DLGAP1: variants seen among roughly 807,000 people sequenced by gnomAD.
DLGAP1 encodes the protein disks large-associated protein 1.
DLGAP1 carries 11 observed loss-of-function variants against 90.8 expected under a neutral mutation model. The ratio of observed to expected loss-of-function variants is 0.12; its 90% confidence interval spans 0.08 to 0.20. The LOEUF is 0.20. Among genes scored for constraint, DLGAP1 ranks in the 10% least tolerant of loss-of-function variants. The probability of loss-of-function intolerance (pLI) is 1.00; values close to 1 mark genes in which losing one functional copy is unlikely to be tolerated. For synonymous variants in DLGAP1, 558 were observed against 540.7 expected (o/e 1.03, Z -0.44); for missense variants, 1,050 against 1,333.8 (o/e 0.79, Z 3.31).
intron 2 of DLGAP1, among the ~76,000 whole-genome samples, chr18:4,129,007 G>A (rs1421225374): frequency 6.6e-6 from 1 of 152,026 alleles, no homozygotes; most frequent in Non-Finnish European, 1.5e-5. Flanking sequence ...AATAACAAAG[G>A]CTATAGAGTG....
intron 7 of DLGAP1, among the ~76,000 whole-genome samples, chr18:3,622,116 T>C (rs2058114760): frequency 6.6e-6 from 1 of 152,046 alleles, no homozygotes; most frequent in Non-Finnish European, 1.5e-5. Flanking sequence ...GATTCTTTTT[T>C]TTTTTTGATA....
intron 1 of DLGAP1, among the ~76,000 whole-genome samples, chr18:4,154,893 C>T (rs761705458): frequency 1.1e-4 from 17 of 152,078 alleles, no homozygotes; most frequent in Non-Finnish European, 2.4e-4. Context: ...GATGAGAATA[C>T]ATTAGTGAAC....
rs373400380 is a variant in DLGAP1, at chr18:3,522,099, C to CTTT, written c.2479+12092_2479+12094dup. On this transcript the variant is annotated intron_variant, in intron 10 of 12. Transcript: ENST00000315677. Reference sequence around the variant, plus strand: ...ATATTTCCTTATATTCAAGTTTTGCCTTTTTTTTTTTACCCACTTGCCTTT... The same window carrying CTTT: ...ATATTTCCTTATATTCAAGTTTTGCCTTTTTTTTTTTTTTACCCACTTGCCTTT... Among the ~76,000 whole-genome samples the CTTT allele has an allele frequency of 7.3e-3, 848 of 116,412 alleles. 8 individuals are homozygous for CTTT. The highest frequency in any genetic ancestry group is 0.026 in the African/African-American group (821 of 31,180). The allele number at this position is 116,412 out of a possible 152,430, so 76.4% of individuals were successfully genotyped here.
intron 9 of DLGAP1, among the ~76,000 whole-genome samples, chr18:3,559,283 C>T (rs897198908): frequency 6.6e-6 from 1 of 152,144 alleles, no homozygotes; most frequent in African/African-American, 2.4e-5. Flanking sequence ...GAAAATCAGT[C>T]ATATTTGCTT....
intron 1 of DLGAP1, among the ~76,000 whole-genome samples, chr18:4,284,473 C>CA (rs1228561494): frequency 6.6e-6 from 1 of 152,120 alleles, no homozygotes; most frequent in African/African-American, 2.4e-5. Flanking sequence ...AATGGAGTGT[C>CA]AAAGAGCCTG....
intron 7 of DLGAP1, among the ~76,000 whole-genome samples, chr18:3,646,646 C>T (rs563860643): frequency 2.6e-5 from 4 of 152,248 alleles, no homozygotes; most frequent in African/African-American, 4.8e-5. Flanking sequence ...TTGTAACAGC[C>T]GGGCACGGTG....
At chr18:3,730,051 A>G (rs1175263664) in intron 6 of DLGAP1, among the ~76,000 whole-genome samples, 4 of 152,254 alleles carry the variant, frequency 2.6e-5, no homozygotes, top group Non-Finnish European at 5.9e-5. Context: ...GAAAAGCACC[A>G]TCAAGATTTT....
chr18:3,989,891 A>G (rs1385714680), intron 3 of DLGAP1, among the ~76,000 whole-genome samples: 2 of 152,242 alleles, frequency 1.3e-5, no homozygotes, highest in Non-Finnish European at 2.9e-5. Context: ...AATGCTCATC[A>G]TCACTGGCCA....
chr18:3,988,392 G>A (rs1599275645), intron 3 of DLGAP1, among the ~76,000 whole-genome samples: 2 of 152,222 alleles, frequency 1.3e-5, no homozygotes, highest in South Asian at 4.2e-4. Flanking sequence ...GTCTGTAAGC[G>A]ATTGACTTAT....
intron 10 of DLGAP1, among the ~76,000 whole-genome samples, chr18:3,530,359 A>T (rs772209071): frequency 1.6e-4 from 25 of 152,102 alleles, no homozygotes; most frequent in Non-Finnish European, 3.2e-4. Flanking sequence ...GTGAGCTATG[A>T]TCCCATCACT....
At chr18:3,632,304 CT>C (rs939022218) in intron 7 of DLGAP1, among the ~76,000 whole-genome samples, 157 of 141,718 alleles carry the variant, frequency 1.1e-3, no homozygotes, top group Middle Eastern at 3.6e-3. Flanking sequence ...TTTTTCTTTT[CT>C]TTTTTTTTTT....
chr18:4,119,948 T>C (rs2076126787), intron 2 of DLGAP1, among the ~76,000 whole-genome samples: 1 of 152,156 alleles, frequency 6.6e-6, no homozygotes, highest in Non-Finnish European at 1.5e-5. Context: ...AAGTATCTCT[T>C]TGAGGTTTAA....
chr18:3,627,994 A>T (rs1367419640), intron 7 of DLGAP1, among the ~76,000 whole-genome samples: 1 of 143,138 alleles, frequency 7.0e-6, no homozygotes, highest in South Asian at 2.2e-4. Flanking sequence ...TTCTCCTGCC[A>T]CAGCCTCCCG....
intron 2 of DLGAP1, among the ~76,000 whole-genome samples, chr18:4,111,249 G>T (rs914906813): frequency 6.6e-6 from 1 of 152,084 alleles, no homozygotes; most frequent in Non-Finnish European, 1.5e-5. Flanking sequence ...TCACATTTCT[G>T]AAATAAATCC....
chr18:4,410,995 C>G (rs941827213), intron 1 of DLGAP1, among the ~76,000 whole-genome samples: 83 of 152,290 alleles, frequency 5.5e-4, no homozygotes, highest in Admixed American at 1.9e-3. Flanking sequence ...TGGGCCTGCC[C>G]TTTTGCCTCA....
At chr18:4,346,814 C>G (rs1237476239) in intron 1 of DLGAP1, among the ~76,000 whole-genome samples, 1 of 151,972 alleles carries the variant, frequency 6.6e-6, no homozygotes, top group African/African-American at 2.4e-5. Context: ...AAATACATTT[C>G]TAGCTAAATA....
intron 1 of DLGAP1, among the ~76,000 whole-genome samples, chr18:4,244,574 T>C (rs2078614637): frequency 1.3e-5 from 2 of 152,112 alleles, no homozygotes; most frequent in Non-Finnish European, 2.9e-5. Context: ...GAAATGGCAA[T>C]GAAAATAAAA....
At position 4,356,774 on chromosome 18, in the gene DLGAP1, G is replaced by A. The variant is rs679709; in HGVS notation, c.-267+98232C>T. ...ACAAGTTAGAGCATGACATTCCTCT[G>A]CCCAAAAAGACCCTATATATTTTGT... On this transcript the variant is annotated intron_variant, in intron 1 of 12. Coordinates refer to ENST00000315677, the MANE Select transcript of DLGAP1 (RefSeq NM_004746.4). Among the ~76,000 whole-genome samples, 724 of 152,182 alleles carry A rather than the reference G, an allele frequency of 4.8e-3. 1 individual carries two copies. The highest frequency in any genetic ancestry group is 8.1e-3 in the Non-Finnish European group (554 of 68,002).
rs1381614094 is a variant in DLGAP1, at chr18:4,225,266, GACCTAAA to G, written c.-266-73986_-266-73980del. On this transcript the variant is annotated intron_variant, in intron 1 of 12. Transcript: ENST00000315677. ...CACTTAATGCAGTTATGGTTGCAGT[GACCTAAA>G]ACTTAGATCACAATACCCACATCCC... Among the ~76,000 whole-genome samples, 4 of 152,020 alleles carry G rather than the reference GACCTAAA, an allele frequency of 2.6e-5. No homozygotes were observed. In the South Asian group the frequency reaches 8.3e-4, roughly 32 times the overall value.
Sources: allele counts gnomAD v4.1 joint callset (sites outside exome capture counted in the v4.1 genomes callset), GRCh38; gene constraint gnomAD v4.1.1; transcripts MANE v1.5; gene names NCBI Gene and HGNC (gene_info 2026-07-23, HGNC 2026-07-21).